The following ANKFN1 variants were observed in gnomAD, a reference collection of about 807,000 sequenced individuals.
ANKFN1 encodes the protein ankyrin repeat and fibronectin type-III domain-containing protein 1.
A neutral mutation model predicts 108.7 loss-of-function variants in ANKFN1; 74 were observed. The ratio of observed to expected loss-of-function variants is 0.68; its 90% CI spans 0.56 to 0.83. The LOEUF is 0.83. Ranked by LOEUF, ANKFN1 falls within the 40% of genes least tolerant of loss-of-function variation. The probability of loss-of-function intolerance (pLI) is 0.00; values close to 1 mark genes in which losing one functional copy is unlikely to be tolerated. For synonymous variants in ANKFN1, 547 were observed against 516.2 expected (o/e 1.06, Z -0.81); for missense variants, 1,505 against 1,382.3 (o/e 1.09, Z -1.41).
chr17:56,263,163 G>T (rs187605896), intron 3 of ANKFN1, among the ~76,000 whole-genome samples: 11 of 152,312 alleles, frequency 7.2e-5, no homozygotes, highest in Admixed American at 6.5e-4. Flanking sequence ...ACATAAGATC[G>T]ATTGGCCATC....
rs140708454 is a variant in ANKFN1, at chr17:56,411,176, C to A, written c.911-29151C>A. Among the ~76,000 whole-genome samples the A allele has an allele frequency of 1.7e-3, 254 of 152,220 alleles. 3 individuals carry two copies. In the East Asian group the frequency reaches 0.028, roughly 17 times the overall value. ...CTATGTTTTGTCTTCTTCAATTTTTCTCATCACTGTTTTATAGTTTTCAGT... is the reference window on the plus strand; with the variant it reads ...CTATGTTTTGTCTTCTTCAATTTTTATCATCACTGTTTTATAGTTTTCAGT... On this transcript the variant is annotated intron_variant, in intron 8 of 20. Transcript: ENST00000682825.
At chr17:56,375,127 G>A (rs940272392) in intron 8 of ANKFN1, among the ~76,000 whole-genome samples, 2 of 152,124 alleles carry the variant, frequency 1.3e-5, no homozygotes, top group Non-Finnish European at 2.9e-5. Flanking sequence ...AACAGGGTTG[G>A]GGTTTTTCAA....
chr17:56,248,418 C>A (rs1478011364), intron 3 of ANKFN1, among the ~76,000 whole-genome samples: 5 of 152,202 alleles, frequency 3.3e-5, no homozygotes, highest in Non-Finnish European at 2.9e-5. Context: ...TATACACAAT[C>A]TCATAGTTTC....
intron 4 of ANKFN1, among the ~76,000 whole-genome samples, chr17:56,102,974 A>G (rs146758565): frequency 1.0e-3 from 156 of 152,336 alleles, no homozygotes; most frequent in Non-Finnish European, 1.6e-3. Flanking sequence ...GATGTTTGAT[A>G]ATTAAATATT....
chr17:56,432,505 C>T (rs113636656), intron 8 of ANKFN1, among the ~76,000 whole-genome samples: 23 of 152,330 alleles, frequency 1.5e-4, no homozygotes, highest in African/African-American at 5.1e-4. Context: ...TCGGGAGTAG[C>T]GCCCTGGTAT....
chr17:56,087,431 GC>G (rs1905336992), intron 4 of ANKFN1, among the ~76,000 whole-genome samples: 1 of 151,226 alleles, frequency 6.6e-6, no homozygotes, highest in African/African-American at 2.4e-5. Flanking sequence ...CTTTATCCGG[GC>G]AGTGTCTCTC....
chr17:56,438,161 T>C (rs1471571891), intron 8 of ANKFN1, among the ~76,000 whole-genome samples: 1 of 152,134 alleles, frequency 6.6e-6, no homozygotes, highest in Non-Finnish European at 1.5e-5. Context: ...TAAAACATAA[T>C]ACATTATAAT....
At chr17:56,376,016 G>C (rs1431581910) in intron 8 of ANKFN1, among the ~76,000 whole-genome samples, 3 of 152,138 alleles carry the variant, frequency 2.0e-5, no homozygotes, top group Non-Finnish European at 4.4e-5. Context: ...GATTCACAAG[G>C]ACATATGGAA....
chr17:56,287,609 G>A (rs1177037674), intron 3 of ANKFN1, among the ~76,000 whole-genome samples: 1 of 152,102 alleles, frequency 6.6e-6, no homozygotes, highest in Admixed American at 6.6e-5. Context: ...GCTGATCTGG[G>A]CCACAACAAA....
chr17:56,207,563 A>G (rs1598238526), intron 1 of ANKFN1, among the ~76,000 whole-genome samples: 1 of 152,120 alleles, frequency 6.6e-6, no homozygotes, highest in Non-Finnish European at 1.5e-5. Flanking sequence ...CAGAACATTC[A>G]TCTCTGCCAC....
In ANKFN1 at chr17:56,165,646, AT is replaced by A. The variant is rs201123514; in HGVS notation, c.-71+12126del. ...GACCAAACGTTCAGATGTTGGACTCATTTTTTTTTTAGTTTTCATATGGGTG... is the reference window on the plus strand; with the variant it reads ...GACCAAACGTTCAGATGTTGGACTCATTTTTTTTTAGTTTTCATATGGGTG... On this transcript the variant is annotated intron_variant, in intron 1 of 20. Coordinates refer to ENST00000682825, the MANE Select transcript of ANKFN1 (RefSeq NM_001370326.1). Among the ~76,000 whole-genome samples the A allele has an allele frequency of 5.4e-5, 8 of 149,476 alleles. No homozygotes were observed. The South Asian group carries it at 6.4e-4, about 12-fold the overall frequency.
rs1555589369 is a variant in ANKFN1 at position 56,061,272 on chromosome 17, T to TTC, written c.288+14948_288+14949insCT. ...TCTCTGATGGTAGTTTTTCTTTTTT[T>TTC]TTTTTTTTTTTTTTTTGAGATGGAG... On this transcript the variant is annotated intron_variant, in intron 4 of 12. Transcript: ENST00000635860. Among the ~76,000 whole-genome samples, 298 of 124,374 alleles carry TTC rather than the reference T, an allele frequency of 2.4e-3. 2 individuals carry two copies. Among genetic ancestry groups the TTC allele is most frequent in the Non-Finnish European group, 3.2e-3 (199 of 62,064 alleles). 81.6% of individuals were successfully genotyped at this position (124,374 alleles called of 152,430 possible).
chr17:56,131,887 T>G (rs911770558), intron 4 of ANKFN1, among the ~76,000 whole-genome samples: 5 of 152,134 alleles, frequency 3.3e-5, no homozygotes, highest in Admixed American at 3.3e-4. Context: ...GATGAGAACA[T>G]TATAGTGAAT....
intron 3 of ANKFN1, among the ~76,000 whole-genome samples, chr17:56,273,502 A>G (rs2043843519): frequency 6.6e-6 from 1 of 152,172 alleles, no homozygotes; most frequent in Non-Finnish European, 1.5e-5. Context: ...GATTTTGATA[A>G]TATTGTCAAG....
At chr17:56,128,642 TA>T (rs1907085162) in intron 4 of ANKFN1, among the ~76,000 whole-genome samples, 1 of 152,224 alleles carries the variant, frequency 6.6e-6, no homozygotes, top group Non-Finnish European at 1.5e-5. Flanking sequence ...TATGTGTACC[TA>T]ATGTTTGCAC....
At chr17:56,371,320 T>C (rs890645626) in intron 6 of ANKFN1, among the ~76,000 whole-genome samples, 3 of 152,224 alleles carry the variant, frequency 2.0e-5, no homozygotes, top group Non-Finnish European at 4.4e-5. Flanking sequence ...TGACCTCGTC[T>C]GTAAATAAAT....
intron 8 of ANKFN1, among the ~76,000 whole-genome samples, chr17:56,439,791 G>A (rs954244033): frequency 1.3e-5 from 2 of 152,190 alleles, no homozygotes; most frequent in African/African-American, 4.8e-5. Context: ...AGAATATGGC[G>A]AAGCAGATGT....
At chr17:56,239,650 A>G (rs529608972) in intron 3 of ANKFN1, among the ~76,000 whole-genome samples, 2 of 152,234 alleles carry the variant, frequency 1.3e-5, no homozygotes, top group South Asian at 4.1e-4. Flanking sequence ...CAGATTGCAT[A>G]TGTCCCAAAA....
At chr17:56,424,678 T>C (rs2048503407) in intron 8 of ANKFN1, among the ~76,000 whole-genome samples, 1 of 152,172 alleles carries the variant, frequency 6.6e-6, no homozygotes. Context: ...GGGTCTGCTT[T>C]TGCCTGACGG....
Sources: allele counts gnomAD v4.1 joint callset (sites outside exome capture counted in the v4.1 genomes callset), GRCh38; gene constraint gnomAD v4.1.1; transcripts MANE v1.5; gene names NCBI Gene and HGNC (gene_info 2026-07-23, HGNC 2026-07-21).